PRKACB: variants seen among roughly 807,000 people sequenced by gnomAD.
PRKACB encodes the protein protein kinase cAMP-activated catalytic subunit beta, also known as cAMP-dependent protein kinase catalytic subunit beta.
A neutral mutation model predicts 51.4 loss-of-function variants in PRKACB; 16 were observed. That is an observed-to-expected ratio of 0.31 (90% CI 0.21 to 0.47). PRKACB has a LOEUF of 0.47. Among genes scored for constraint, PRKACB ranks in the 20% least tolerant of loss-of-function variants. The pLI is 1.00. For missense variants in PRKACB, 309 were observed against 464.5 expected (o/e 0.67, Z 3.08); for synonymous variants, 147 against 154.4 (o/e 0.95, Z 0.35).
chr1:84,211,696 T>C (rs1460844089), intron 8 of PRKACB, among the ~76,000 whole-genome samples: 1 of 152,190 alleles, frequency 6.6e-6, no homozygotes, highest in Non-Finnish European at 1.5e-5. Flanking sequence ...CTTTACTATT[T>C]ATTAGCTCTG....
chr1:84,189,889 C>T (rs1666247803), intron 5 of PRKACB, among the ~76,000 whole-genome samples: 1 of 151,912 alleles, frequency 6.6e-6, no homozygotes, highest in Non-Finnish European at 1.5e-5. Flanking sequence ...TCAGTGCACC[C>T]TTGACACCAA....
chr1:84,125,641 A>G (rs1228066003), intron 1 of PRKACB, among the ~76,000 whole-genome samples: 1 of 152,194 alleles, frequency 6.6e-6, no homozygotes, highest in African/African-American at 2.4e-5. Flanking sequence ...ACTCAGTCAC[A>G]ATTAAGAGGA....
At chr1:84,173,252 C>T in intron 1 of PRKACB, 2 of 1,119,060 alleles carry the variant, frequency 1.8e-6, no homozygotes, top group East Asian at 2.6e-5. Flanking sequence ...CAGTAGTGAA[C>T]ATGTATAGAT....
At chr1:84,198,556 A>G (rs1668845087) in intron 7 of PRKACB, among the ~76,000 whole-genome samples, 1 of 152,076 alleles carries the variant, frequency 6.6e-6, no homozygotes, top group Non-Finnish European at 1.5e-5. Flanking sequence ...CTTTTCTCTC[A>G]TTATCTTTCA....
intron 1 of PRKACB, among the ~76,000 whole-genome samples, chr1:84,080,127 G>T (rs187244800): frequency 1.3e-5 from 2 of 152,274 alleles, no homozygotes; most frequent in Admixed American, 1.3e-4. Flanking sequence ...TTACAAAAGA[G>T]TGTGCTTGGA....
At chr1:84,234,449 G>A (rs1321029376) in intron 9 of PRKACB, among the ~76,000 whole-genome samples, 59 of 152,288 alleles carry the variant, frequency 3.9e-4, no homozygotes, top group Non-Finnish European at 7.9e-4. Flanking sequence ...CACCCAGTTC[G>A]AGCTTCCCAG....
intron 9 of PRKACB, among the ~76,000 whole-genome samples, chr1:84,223,365 T>G (rs1674040399): frequency 1.9e-5 from 1 of 51,962 alleles, no homozygotes; most frequent in Non-Finnish European, 4.0e-5. Context: ...TGGTTGTTTT[T>G]TTTTGTTTTT....
At chr1:84,231,979 C>T (rs2101702859) in intron 9 of PRKACB, among the ~76,000 whole-genome samples, 1 of 149,724 alleles carries the variant, frequency 6.7e-6, no homozygotes, top group African/African-American at 2.4e-5. Context: ...AATGTGTTTG[C>T]TCTTGCTTTT....
At chr1:84,152,669 A>G (rs531182804) in intron 1 of PRKACB, among the ~76,000 whole-genome samples, 22 of 152,250 alleles carry the variant, frequency 1.4e-4, no homozygotes, top group African/African-American at 5.3e-4. Flanking sequence ...GACTTCTGCA[A>G]CTTCCTCACC....
chr1:84,235,120 T>C, intron 9 of PRKACB, 60 bp from the exon 10 acceptor site: 2 of 1,534,558 alleles, frequency 1.3e-6, no homozygotes, highest in South Asian at 1.2e-5. Flanking sequence ...TCTTGGTGTT[T>C]GGAAACTCTC....
intron 7 of PRKACB, among the ~76,000 whole-genome samples, chr1:84,200,080 C>A (rs973871231): frequency 6.6e-6 from 1 of 152,032 alleles, no homozygotes; most frequent in African/African-American, 2.4e-5. Flanking sequence ...CTCCCGACCT[C>A]AAGTGGTGCA....
Position 84,175,329 on chromosome 1 carries a change from A to T in PRKACB, c.188-3848A>T, listed in dbSNP as rs6684503. Among the ~76,000 whole-genome samples, 216 of 151,920 alleles carry T rather than the reference A, an allele frequency of 1.4e-3. 1 individual carries two copies. Among genetic ancestry groups the T allele is most frequent in the African/African-American group, 4.8e-3 (198 of 41,548 alleles). On this transcript the variant is annotated intron_variant, in intron 1 of 9. Transcript: ENST00000370685. The stretch of plus-strand genomic sequence containing the variant: ...AAAGTAGTAGAAGAAAGATTAATAC[A>T]GTAAAAGAAAGATAAATAAGTAGAA...
intron 5 of PRKACB, among the ~76,000 whole-genome samples, chr1:84,189,021 AT>A (rs747388987): frequency 6.6e-5 from 10 of 152,018 alleles, no homozygotes; most frequent in Non-Finnish European, 1.0e-4. Flanking sequence ...GAAAAACCTG[AT>A]AAAGACAACA....
chr1:84,166,803 A>G (rs1272460438), intron 1 of PRKACB, among the ~76,000 whole-genome samples: 1 of 151,604 alleles, frequency 6.6e-6, no homozygotes, highest in Non-Finnish European at 1.5e-5. Flanking sequence ...TGCCAATTAA[A>G]TGTTGGTTTT....
At position 84,234,921 on chromosome 1, in the gene PRKACB, G is replaced by A. The variant is rs41301184; in HGVS notation, c.1072-259G>A. ...CTGTAGACCGTACCTGTTCCTATTC[G>A]GCCATCTTGGCTTCTCCTCTTATCC... On this transcript the variant is annotated intron_variant, in intron 9 of 9. Coordinates refer to ENST00000370685, the MANE Select transcript of PRKACB (RefSeq NM_182948.4). 0.026 allele frequency among the ~76,000 whole-genome samples: 3,896 copies of A among 152,162 alleles called. 173 individuals are homozygous for A. The highest frequency in any genetic ancestry group is 0.088 in the African/African-American group (3,644 of 41,472).
chr1:84,113,873 C>G (rs747945528), intron 1 of PRKACB, among the ~76,000 whole-genome samples: 1 of 152,040 alleles, frequency 6.6e-6, no homozygotes, highest in Non-Finnish European at 1.5e-5. Flanking sequence ...GACTGAGGCT[C>G]CTTTTTTGGG....
At chr1:84,204,388 A>G (rs1670989253) in intron 8 of PRKACB, 1 of 964,006 alleles carries the variant, frequency 1.0e-6, no homozygotes, top group Non-Finnish European at 1.6e-6. Flanking sequence ...TGCAGTACTT[A>G]TTTAAACAAG....
chr1:84,198,394 G>A (rs969171557), intron 7 of PRKACB, among the ~76,000 whole-genome samples: 2 of 152,072 alleles, frequency 1.3e-5, no homozygotes, highest in African/African-American at 4.8e-5. Context: ...TCACTTGGTG[G>A]AGAAATCTAG....
chr1:84,234,516 A>G (rs978907027), intron 9 of PRKACB, among the ~76,000 whole-genome samples: 31 of 152,184 alleles, frequency 2.0e-4, no homozygotes, highest in Non-Finnish European at 3.7e-4. Flanking sequence ...CCCCAGCCTC[A>G]CTGCCACCTT....
Sources: gnomAD v4.1 joint callset for allele counts (sites outside exome capture counted in the v4.1 genomes callset) on GRCh38, gnomAD v4.1.1 for gene constraint, MANE v1.5 for transcripts, NCBI Gene and HGNC (gene_info 2026-07-23, HGNC 2026-07-21) for gene names.